TPRG1: variants seen among roughly 807,000 people sequenced by gnomAD.
TPRG1 encodes the protein tumor protein p63-regulated gene 1 protein.
In TPRG1, 29 loss-of-function variants were observed where a neutral mutation model predicts 29.3. That is an observed-to-expected ratio of 0.99 (90% CI 0.74 to 1.35). The LOEUF is 1.35. Ranked by LOEUF, TPRG1 falls within the 40% of genes most tolerant of loss-of-function variation. The probability of loss-of-function intolerance (pLI) is 0.00; values close to 1 mark genes in which losing one functional copy is unlikely to be tolerated. For missense variants in TPRG1, 327 were observed against 335.0 expected (o/e 0.98, Z 0.19); for synonymous variants, 130 against 116.8 (o/e 1.11, Z -0.73).
intron 4 of TPRG1, among the ~76,000 whole-genome samples, chr3:189,088,593 A>G (rs1718119078): frequency 6.6e-6 from 1 of 152,186 alleles, no homozygotes; most frequent in African/African-American, 2.4e-5. Context: ...CAAAAATACT[A>G]TTAACTGTTT....
chr3:189,063,480 T>C (rs2152145788), intron 4 of TPRG1, among the ~76,000 whole-genome samples: 1 of 152,174 alleles, frequency 6.6e-6, no homozygotes, highest in African/African-American at 2.4e-5. Context: ...CAAGTGCCCA[T>C]TTAACATTCA....
chr3:189,246,818 A>T (rs533489034), intron 4 of TPRG1, among the ~76,000 whole-genome samples: 1 of 152,160 alleles, frequency 6.6e-6, no homozygotes, highest in Admixed American at 6.6e-5. Flanking sequence ...ACGTTGTTCC[A>T]CCATTGCTTG....
intron 4 of TPRG1, among the ~76,000 whole-genome samples, chr3:189,276,703 T>C (rs150403334): frequency 3.9e-5 from 6 of 152,280 alleles, no homozygotes; most frequent in African/African-American, 1.4e-4. Flanking sequence ...CAATCCCTAG[T>C]CTCTTCCTTG....
chr3:189,056,939 C>A (rs1344193851), intron 4 of TPRG1, among the ~76,000 whole-genome samples: 1 of 152,056 alleles, frequency 6.6e-6, no homozygotes, highest in Non-Finnish European at 1.5e-5. Context: ...GATTTTTTTT[C>A]CACTGTACAT....
chr3:189,323,987 A>T lies in TPRG1; in HGVS notation c.*3167A>T, dbSNP rs1248189795. The T allele has an allele frequency of 6.6e-6, 1 of 152,106 alleles. No homozygotes were observed. The highest frequency in any genetic ancestry group is 2.4e-5 in the African/African-American group (1 of 41,414). 9.4% of individuals were successfully genotyped at this position (152,106 alleles called of 1,614,324 possible). Reference sequence around the variant, plus strand: ...GGGTGAGAAAGTTCAAAGCAGATAGATGTTTTAACACAACAGGAGGACTTT... The same window carrying T: ...GGGTGAGAAAGTTCAAAGCAGATAGTTGTTTTAACACAACAGGAGGACTTT... On this transcript the variant is annotated 3_prime_UTR_variant, in exon 6 of 6. Transcript: ENST00000345063.
At chr3:189,142,951 T>G (rs192945198) in intron 3 of TPRG1, among the ~76,000 whole-genome samples, 2 of 152,252 alleles carry the variant, frequency 1.3e-5, no homozygotes, top group African/African-American at 4.8e-5. Flanking sequence ...AATGATTTTC[T>G]TAATTCTTTC....
At chr3:189,153,958 T>G (rs1460096471) in intron 5 of TPRG1, among the ~76,000 whole-genome samples, 1 of 152,222 alleles carries the variant, frequency 6.6e-6, no homozygotes, top group East Asian at 1.9e-4. Context: ...TTTGACTGGA[T>G]GCCACTGGAC....
chr3:189,106,061 A>G (rs904129932), intron 1 of TPRG1, among the ~76,000 whole-genome samples: 1 of 152,158 alleles, frequency 6.6e-6, no homozygotes, highest in African/African-American at 2.4e-5. Context: ...ATTCAACAAC[A>G]ACAACAACAA....
intron 1 of TPRG1, among the ~76,000 whole-genome samples, chr3:189,198,439 G>A (rs559226841): frequency 1.3e-5 from 2 of 152,300 alleles, no homozygotes; most frequent in East Asian, 3.9e-4. Flanking sequence ...TAAAGACTGT[G>A]GTATGAGTTC....
Position 189,235,429 on chromosome 3 carries a change from T to C in TPRG1, c.303-3304T>C, listed in dbSNP as rs189999365. 3.1e-3 allele frequency among the ~76,000 whole-genome samples: 467 copies of C among 152,100 alleles called. 4 individuals are homozygous for C. The highest frequency in any genetic ancestry group is 6.6e-3 in the Admixed American group (101 of 15,252). ...GAGAGAGGTGGGTGGTGTTGACATC[T>C]TTATCTTAGGAGTAAAATTTGTAGG... On this transcript the variant is annotated intron_variant, in intron 3 of 5. Coordinates refer to ENST00000345063, the MANE Select transcript of TPRG1 (RefSeq NM_198485.4).
chr3:189,007,303 T>C (rs1389386114), intron 3 of TPRG1, among the ~76,000 whole-genome samples: 100 of 151,854 alleles, frequency 6.6e-4, no homozygotes, highest in African/African-American at 2.1e-3. Context: ...AAAATGCTCA[T>C]CATCACTGGC....
At chr3:189,174,535 A>G (rs976921217) in intron 1 of TPRG1, among the ~76,000 whole-genome samples, 6 of 152,190 alleles carry the variant, frequency 3.9e-5, no homozygotes, top group African/African-American at 1.4e-4. Flanking sequence ...ATTCCTTTCA[A>G]TCATTCTCTT....
intron 3 of TPRG1, among the ~76,000 whole-genome samples, chr3:189,021,378 C>T (rs554218749): frequency 2.6e-5 from 4 of 151,986 alleles, no homozygotes; most frequent in South Asian, 2.1e-4. Flanking sequence ...ACCGGTTGTT[C>T]GTTTCCATGT....
intron 4 of TPRG1, among the ~76,000 whole-genome samples, chr3:189,273,341 G>A (rs1370856383): frequency 6.6e-6 from 1 of 152,130 alleles, no homozygotes; most frequent in African/African-American, 2.4e-5. Flanking sequence ...AGTTAAACAT[G>A]GAAAACTGTG....
chr3:189,172,433 G>A (rs1424140060), intron 1 of TPRG1, among the ~76,000 whole-genome samples: 1 of 152,110 alleles, frequency 6.6e-6, no homozygotes, highest in Non-Finnish European at 1.5e-5. Flanking sequence ...TCTCCATTTG[G>A]TGGCTTAGTG....
intron 1 of TPRG1, among the ~76,000 whole-genome samples, chr3:189,120,943 AAAGCATTTTATTCAATTAAAATT>A (rs1269806462): frequency 9.8e-5 from 15 of 152,358 alleles, no homozygotes; most frequent in Non-Finnish European, 1.8e-4. Context: ...GATAAATAAT[AAAGCATTTTATTCAATTAAAATT>A]AAGGACATGT....
intron 3 of TPRG1, among the ~76,000 whole-genome samples, chr3:189,218,998 G>A (rs138030715): frequency 6.6e-6 from 1 of 152,126 alleles, no homozygotes; most frequent in South Asian, 2.1e-4. Flanking sequence ...GGCACTGAAG[G>A]GTTGAGAAAG....
chr3:189,260,622 C>T (rs1712834537), intron 4 of TPRG1, among the ~76,000 whole-genome samples: 1 of 152,200 alleles, frequency 6.6e-6, no homozygotes, highest in Non-Finnish European at 1.5e-5. Context: ...AAATATCTCC[C>T]TGCAAGAGAA....
At position 189,053,511 on chromosome 3, in the gene TPRG1, C is replaced by T. The variant is rs534858644; in HGVS notation, c.-463+29565C>T. ...ATACGGACAATAAGATGCCAGACCCCGCACCCACCATGATTGCCTAAGTGA... is the reference window on the plus strand; with the variant it reads ...ATACGGACAATAAGATGCCAGACCCTGCACCCACCATGATTGCCTAAGTGA... On this transcript the variant is annotated intron_variant, in intron 4 of 10. Coordinates refer to the TPRG1 transcript ENST00000433971. 2.0e-5 allele frequency among the ~76,000 whole-genome samples: 3 copies of T among 152,248 alleles called. No individual in the cohort carries two copies. In the South Asian group the frequency reaches 6.2e-4, roughly 32 times the overall value.
Sources: gnomAD v4.1 joint callset for allele counts (sites outside exome capture counted in the v4.1 genomes callset) on GRCh38, gnomAD v4.1.1 for gene constraint, MANE v1.5 for transcripts, NCBI Gene and HGNC (gene_info 2026-07-23, HGNC 2026-07-21) for gene names.